Variants in NRXN3 observed in about 807,000 individuals in gnomAD.
NRXN3 encodes neurexin 3.
A neutral mutation model predicts 137.6 loss-of-function variants in NRXN3; 32 were observed. The observed-to-expected ratio is 0.23, with a 90% CI of 0.18 to 0.31. NRXN3 has a LOEUF of 0.31. Ranked by LOEUF, NRXN3 falls within the 10% of genes least tolerant of loss-of-function variation. The pLI is 1.00. For missense variants in NRXN3, 1,574 were observed against 2,062.5 expected (o/e 0.76, Z 4.59); for synonymous variants, 798 against 784.5 (o/e 1.02, Z -0.29).
intron 1 of NRXN3, among the ~76,000 whole-genome samples, chr14:78,194,128 G>A (rs1365435249): frequency 1.3e-5 from 2 of 152,190 alleles, no homozygotes; most frequent in African/African-American, 4.8e-5. Flanking sequence ...CCTTCCATCT[G>A]CATGAAAAGG....
intron 16 of NRXN3, among the ~76,000 whole-genome samples, chr14:79,519,331 T>G (rs2153700450): frequency 6.6e-6 from 1 of 152,204 alleles, no homozygotes; most frequent in Non-Finnish European, 1.5e-5. Context: ...AATCTAATGT[T>G]TACCCTTTTT....
chr14:78,800,326 T>C (rs1036557664), intron 8 of NRXN3, among the ~76,000 whole-genome samples: 1 of 152,202 alleles, frequency 6.6e-6, no homozygotes, highest in African/African-American at 2.4e-5. Context: ...TCTTGAAGAT[T>C]AAATGACTTC....
intron 15 of NRXN3, among the ~76,000 whole-genome samples, chr14:79,283,602 G>C (rs1366729085): frequency 6.6e-6 from 1 of 152,010 alleles, no homozygotes; most frequent in East Asian, 1.9e-4. Context: ...TTGTAAATTA[G>C]GGAGACTAAG....
At chr14:79,490,432 G>T (rs907689083) in intron 16 of NRXN3, among the ~76,000 whole-genome samples, 1 of 152,080 alleles carries the variant, frequency 6.6e-6, no homozygotes, top group South Asian at 2.1e-4. Flanking sequence ...ATTAACAGAT[G>T]AATGGATAGA....
intron 15 of NRXN3, among the ~76,000 whole-genome samples, chr14:79,081,055 T>C (rs1329988576): frequency 6.6e-6 from 1 of 152,210 alleles, no homozygotes; most frequent in Non-Finnish European, 1.5e-5. Context: ...TAGCATTTAG[T>C]AGATACAAGC....
At chr14:78,736,540 C>A (rs1162349500) in intron 8 of NRXN3, among the ~76,000 whole-genome samples, 1 of 152,116 alleles carries the variant, frequency 6.6e-6, no homozygotes, top group Non-Finnish European at 1.5e-5. Flanking sequence ...CCCATTTAAT[C>A]CTTATGCCAT....
intron 17 of NRXN3, among the ~76,000 whole-genome samples, chr14:79,684,936 G>A (rs2098688912): frequency 6.6e-6 from 1 of 152,082 alleles, no homozygotes; most frequent in Non-Finnish European, 1.5e-5. Flanking sequence ...GGGAAAGAGT[G>A]AGCCCCAAAA....
At chr14:79,609,086 T>C (rs1326978000) in intron 16 of NRXN3, among the ~76,000 whole-genome samples, 2 of 152,028 alleles carry the variant, frequency 1.3e-5, no homozygotes, top group Non-Finnish European at 2.9e-5. Context: ...TCGTTTTTCA[T>C]AGTGTATTTA....
intron 15 of NRXN3, among the ~76,000 whole-genome samples, chr14:79,230,141 C>T (rs918384125): frequency 6.6e-6 from 1 of 152,050 alleles, no homozygotes; most frequent in Admixed American, 6.6e-5. Context: ...GAAAAAGGCT[C>T]TGGGGAAAAT....
intron 20 of NRXN3, among the ~76,000 whole-genome samples, chr14:79,806,935 ATT>A (rs1359692352): frequency 2.6e-4 from 17 of 64,684 alleles, no homozygotes; most frequent in South Asian, 1.1e-3. Flanking sequence ...CTAGGCTTTA[ATT>A]TTATATATAT....
At chr14:78,718,492 C>A (rs1005227804) in intron 8 of NRXN3, among the ~76,000 whole-genome samples, 11 of 152,100 alleles carry the variant, frequency 7.2e-5, no homozygotes, top group African/African-American at 2.4e-4. Flanking sequence ...ATTCCTGGAT[C>A]AAAGTCATCA....
At chr14:79,566,085 AG>A (rs1181702674) in intron 16 of NRXN3, among the ~76,000 whole-genome samples, 1 of 152,102 alleles carries the variant, frequency 6.6e-6, no homozygotes, top group African/African-American at 2.4e-5. Flanking sequence ...TGTATGTCCC[AG>A]CTGTGTGGCT....
At chr14:78,915,982 A>G (rs1051197183) in intron 10 of NRXN3, among the ~76,000 whole-genome samples, 6 of 152,136 alleles carry the variant, frequency 3.9e-5, no homozygotes, top group African/African-American at 1.4e-4. Context: ...ATGTCCCTAT[A>G]AGAAGATACT....
At chr14:78,226,981 A>T (rs1024513531) in intron 1 of NRXN3, among the ~76,000 whole-genome samples, 3 of 152,194 alleles carry the variant, frequency 2.0e-5, no homozygotes, top group African/African-American at 7.2e-5. Flanking sequence ...TTACTGCAGG[A>T]TGAGCCCATA....
chr14:78,376,976 A>C (rs746768485), intron 4 of NRXN3, among the ~76,000 whole-genome samples: 2 of 152,234 alleles, frequency 1.3e-5, no homozygotes, highest in Non-Finnish European at 2.9e-5. Context: ...ACGGAATTCT[A>C]AAAATTATTC....
chr14:78,770,941 G>A (rs1451781675), intron 8 of NRXN3, among the ~76,000 whole-genome samples: 1 of 152,164 alleles, frequency 6.6e-6, no homozygotes, highest in Non-Finnish European at 1.5e-5. Context: ...CATTGTTGGA[G>A]GTAACACGTA....
At chr14:79,661,679 A>G (rs1249532868) in intron 16 of NRXN3, 5 of 152,130 alleles carry the variant, frequency 3.3e-5, no homozygotes. Context: ...GATTTAGAAA[A>G]ACTCTTTTCT....
At chr14:79,427,344 C>G (rs551948991) in intron 15 of NRXN3, among the ~76,000 whole-genome samples, 1 of 152,226 alleles carries the variant, frequency 6.6e-6, no homozygotes, top group Non-Finnish European at 1.5e-5. Context: ...CAACTTTCCT[C>G]GCAAGGTTTG....
At chr14:78,466,618 A>G (rs560215489) in intron 4 of NRXN3, among the ~76,000 whole-genome samples, 52 of 152,284 alleles carry the variant, frequency 3.4e-4, no homozygotes, top group African/African-American at 1.2e-3. Context: ...ATAGGGAGCT[A>G]TGGAGAAATT....
Sources: allele counts gnomAD v4.1 joint callset (sites outside exome capture counted in the v4.1 genomes callset), GRCh38; gene constraint gnomAD v4.1.1; transcripts MANE v1.5; gene names NCBI Gene and HGNC (gene_info 2026-07-23, HGNC 2026-07-21).